The following JARID2 variants were observed in gnomAD, a reference collection of about 807,000 sequenced individuals.
JARID2 encodes the protein jumonji and AT-rich interaction domain containing 2.
A neutral mutation model predicts 125.6 loss-of-function variants in JARID2; 21 were observed. That is an observed-to-expected ratio of 0.17 (90% CI 0.12 to 0.24). The LOEUF (loss-of-function observed/expected upper bound fraction) is 0.24, where lower values mean the gene tolerates loss of function less well. Ranked by LOEUF, JARID2 falls within the 10% of genes least tolerant of loss-of-function variation. The pLI is 1.00. For missense variants in JARID2, 1,303 were observed against 1,639.6 expected, an observed-to-expected ratio of 0.79 and a Z score of 3.55; for synonymous variants, 736 against 661.6, an observed-to-expected ratio of 1.11 and a Z score of -1.73.
At chr6:15,364,355 C>G (rs1222662780) in intron 1 of JARID2, among the ~76,000 whole-genome samples, 1 of 152,196 alleles carries the variant, frequency 6.6e-6, no homozygotes, top group Non-Finnish European at 1.5e-5. Context: ...GTGGATAGGA[C>G]TGGTTTTTGT....
chr6:15,253,930 C>A (rs1759553185), intron 1 of JARID2, among the ~76,000 whole-genome samples: 1 of 152,116 alleles, frequency 6.6e-6, no homozygotes, highest in Non-Finnish European at 1.5e-5. Flanking sequence ...TCTGAATTTG[C>A]TCCCCCCTTT....
chr6:15,390,004 A>G (rs1390324098), intron 2 of JARID2, among the ~76,000 whole-genome samples: 3 of 152,096 alleles, frequency 2.0e-5, no homozygotes, highest in African/African-American at 7.2e-5. Context: ...TCCTTCTTTG[A>G]CAACTTAAAT....
intron 1 of JARID2, among the ~76,000 whole-genome samples, chr6:15,291,295 G>C (rs1761203685): frequency 6.6e-6 from 1 of 152,172 alleles, no homozygotes; most frequent in Admixed American, 6.5e-5. Context: ...CTTGGTGAAT[G>C]TGTTTATCAT....
Position 15,332,259 on chromosome 6 carries a change from G to A in JARID2, c.46-41858G>A, listed in dbSNP as rs72834583. Reference sequence around the variant, plus strand: ...TGGTTCTGTGAGAAAAACCAAATTAGCAAGCTACCTCAGGAATTTAATTTT... The same window carrying A: ...TGGTTCTGTGAGAAAAACCAAATTAACAAGCTACCTCAGGAATTTAATTTT... On this transcript the variant is annotated intron_variant, in intron 1 of 17. Coordinates refer to ENST00000341776, the MANE Select transcript of JARID2 (RefSeq NM_004973.4). 9.2e-3 allele frequency among the ~76,000 whole-genome samples: 1,396 copies of A among 152,298 alleles called. 12 individuals are homozygous for A. The highest frequency in any genetic ancestry group is 0.024 in the Middle Eastern group (7 of 294).
chr6:15,287,627 G>T (rs1208200042), intron 1 of JARID2, among the ~76,000 whole-genome samples: 1 of 152,186 alleles, frequency 6.6e-6, no homozygotes, highest in African/African-American at 2.4e-5. Flanking sequence ...CCCTATTCAA[G>T]TTCACAGACT....
In JARID2 at chr6:15,250,342, T is replaced by A. The variant is rs151062996; in HGVS notation, c.45+3758T>A. ...TTATGAGGTTTTTTGTTTTAAAACT[T>A]ATTCATCACAAATTGTTCAGTCACG... On this transcript the variant is annotated intron_variant, in intron 1 of 17. Transcript: ENST00000341776. 2.0e-3 allele frequency among the ~76,000 whole-genome samples: 298 copies of A among 152,344 alleles called. 2 individuals carry two copies. The highest frequency in any genetic ancestry group is 6.8e-3 in the African/African-American group (283 of 41,574).
At chr6:15,272,012 A>G (rs1451028822) in intron 1 of JARID2, among the ~76,000 whole-genome samples, 2 of 151,804 alleles carry the variant, frequency 1.3e-5, no homozygotes, top group Admixed American at 1.3e-4. Flanking sequence ...AGTCCCACCT[A>G]CTCAGGAGAG....
intron 4 of JARID2, among the ~76,000 whole-genome samples, chr6:15,461,373 T>G (rs1168969636): frequency 6.6e-6 from 1 of 152,212 alleles, no homozygotes; most frequent in African/African-American, 2.4e-5. Flanking sequence ...GGGAATTTCC[T>G]ATTTGTGGGA....
At chr6:15,427,397 A>G (rs1053346237) in intron 3 of JARID2, among the ~76,000 whole-genome samples, 3 of 152,182 alleles carry the variant, frequency 2.0e-5, no homozygotes, top group Non-Finnish European at 4.4e-5. Flanking sequence ...AGAAAACAAA[A>G]AAGGCTGGAA....
chr6:15,251,926 C>T (rs748856932), intron 1 of JARID2, among the ~76,000 whole-genome samples: 12 of 151,520 alleles, frequency 7.9e-5, no homozygotes, highest in African/African-American at 2.7e-4. Context: ...TGCGGTGAGC[C>T]GCTTGAACCT....
intron 1 of JARID2, among the ~76,000 whole-genome samples, chr6:15,252,721 A>C (rs1189801214): frequency 2.0e-5 from 3 of 151,990 alleles, no homozygotes; most frequent in African/African-American, 7.2e-5. Flanking sequence ...ATGAAACCAA[A>C]TGAATCTGTT....
intron 2 of JARID2, among the ~76,000 whole-genome samples, chr6:15,402,957 C>G (rs1043159730): frequency 6.6e-6 from 1 of 152,106 alleles, no homozygotes; most frequent in Non-Finnish European, 1.5e-5. Flanking sequence ...GGACACAAAA[C>G]TAGAACTGCC....
rs138365260 is a variant in JARID2 at position 15,310,713 on chromosome 6, G to C, written c.46-63404G>C. Reference sequence around the variant, plus strand: ...CCAGGAGATGGGATTTCAATCTCCAGAATTCCCATCCCCGCTTGGCTCTTT... The same window carrying C: ...CCAGGAGATGGGATTTCAATCTCCACAATTCCCATCCCCGCTTGGCTCTTT... On this transcript the variant is annotated intron_variant, in intron 1 of 17. Coordinates refer to ENST00000341776, the MANE Select transcript of JARID2 (RefSeq NM_004973.4). Among the ~76,000 whole-genome samples, 23 of 152,346 alleles carry C rather than the reference G, an allele frequency of 1.5e-4. 1 individual carries two copies. In the East Asian group the frequency reaches 4.2e-3, roughly 28 times the overall value.
At chr6:15,341,984 T>C (rs1763084522) in intron 1 of JARID2, among the ~76,000 whole-genome samples, 1 of 151,616 alleles carries the variant, frequency 6.6e-6, no homozygotes, top group Non-Finnish European at 1.5e-5. Context: ...TCTTAGAACA[T>C]TTGGGCTTTC....
At chr6:15,308,804 A>C (rs1266912683) in intron 1 of JARID2, among the ~76,000 whole-genome samples, 1 of 152,224 alleles carries the variant, frequency 6.6e-6, no homozygotes, top group Non-Finnish European at 1.5e-5. Flanking sequence ...CTTACTGGTG[A>C]AATTGGTTTT....
At chr6:15,421,378 G>A (rs1427075530) in intron 3 of JARID2, among the ~76,000 whole-genome samples, 1 of 151,196 alleles carries the variant, frequency 6.6e-6, no homozygotes, top group Non-Finnish European at 1.5e-5. Context: ...AACTAGCCAC[G>A]GTCATAGCTT....
chr6:15,515,210 T>A (rs1359780181), intron 16 of JARID2, among the ~76,000 whole-genome samples: 1 of 152,142 alleles, frequency 6.6e-6, no homozygotes, highest in Non-Finnish European at 1.5e-5. Flanking sequence ...GTTAACTTTT[T>A]TTTTTTTTGT....
intron 1 of JARID2, among the ~76,000 whole-genome samples, chr6:15,291,176 T>C (rs997216426): frequency 1.3e-5 from 2 of 152,140 alleles, no homozygotes; most frequent in African/African-American, 4.8e-5. Flanking sequence ...TCAAGGCTGT[T>C]GTGAGCCGTG....
chr6:15,269,232 C>A (rs1302593204), intron 1 of JARID2, among the ~76,000 whole-genome samples: 1 of 152,194 alleles, frequency 6.6e-6, no homozygotes, highest in Non-Finnish European at 1.5e-5. Context: ...CTGTGCTCCA[C>A]CCTTAGTCCC....
Sources: allele counts gnomAD v4.1 joint callset (sites outside exome capture counted in the v4.1 genomes callset), GRCh38; gene constraint gnomAD v4.1.1; transcripts MANE v1.5; gene names NCBI Gene and HGNC (gene_info 2026-07-23, HGNC 2026-07-21).